Variants in RBFOX3 observed in about 807,000 individuals in gnomAD.
RBFOX3 encodes the protein RNA binding protein fox-1 homolog 3.
RBFOX3 carries 17 observed loss-of-function variants against 48.7 expected under a neutral mutation model. The observed-to-expected ratio is 0.35, with a 90% CI of 0.24 to 0.52. RBFOX3 has a LOEUF of 0.52. RBFOX3 is among the 20% of genes least tolerant of loss of function. RBFOX3 has a pLI of 0.94. For synonymous variants in RBFOX3, 212 were observed against 209.5 expected, an observed-to-expected ratio of 1.01 and a Z score of -0.10; for missense variants, 382 against 497.5, an observed-to-expected ratio of 0.77 and a Z score of 2.21.
At position 79,444,299 on chromosome 17, in the gene RBFOX3, A is replaced by G. The variant is rs575505534; in HGVS notation, c.-175+38155T>C. ...CCCTTGTGGGTTGGGGGCCAGCAAG[A>G]CCCACCCCTCTTATGGCCTGTGCGT... is the stretch of plus-strand genomic sequence containing the variant. On this transcript the variant is annotated intron_variant, in intron 2 of 14. Coordinates refer to ENST00000693108, the MANE Select transcript of RBFOX3 (RefSeq NM_001350451.2). 8.0e-4 allele frequency among the ~76,000 whole-genome samples: 121 copies of G among 152,000 alleles called. 1 individual carries two copies. The highest frequency in any genetic ancestry group is 2.6e-3 in the African/African-American group (107 of 41,444).
chr17:79,090,993 G>A (rs780075548), intron 14 of RBFOX3, 108 bp from the exon 15 acceptor site: 373 of 1,104,808 alleles, frequency 3.4e-4, no homozygotes, highest in Non-Finnish European at 4.2e-4. Flanking sequence ...AAGTCCTGGC[G>A]CCGCCACACC....
intron 2 of RBFOX3, among the ~76,000 whole-genome samples, chr17:79,397,874 C>T (rs760272592): frequency 2.6e-5 from 4 of 152,192 alleles, no homozygotes; most frequent in Non-Finnish European, 5.9e-5. Context: ...GCTACAACCA[C>T]AAACAGAGGC....
At chr17:79,591,853 C>T (rs1024142417) in intron 1 of RBFOX3, among the ~76,000 whole-genome samples, 1 of 139,896 alleles carries the variant, frequency 7.1e-6, no homozygotes, top group Non-Finnish European at 1.6e-5. Flanking sequence ...GGGGTGTGCA[C>T]GTGTGGAGGG....
chr17:79,256,382 G>C lies in RBFOX3; in HGVS notation c.-73-20577C>G, dbSNP rs192630001. ...GCAAGTTTGCTTGTGCCGGCCACCG[G>C]CTCCGGGAGCTGAAGCCCAGAGTGA... On this transcript the variant is annotated intron_variant, in intron 3 of 14. Transcript: ENST00000693108. Among the ~76,000 whole-genome samples the C allele has an allele frequency of 4.6e-5, 7 of 152,322 alleles. No individual in the cohort carries two copies. In the East Asian group the frequency reaches 1.4e-3, roughly 29 times the overall value.
intron 1 of RBFOX3, among the ~76,000 whole-genome samples, chr17:79,485,110 TGCCCAGG>T (rs1291492369): frequency 6.6e-6 from 1 of 151,906 alleles, no homozygotes; most frequent in African/African-American, 2.4e-5. Context: ...AAGCAGAGGC[TGCCCAGG>T]GCCTGGGCGA....
At chr17:79,417,910 C>T (rs560221954) in intron 2 of RBFOX3, among the ~76,000 whole-genome samples, 2 of 152,348 alleles carry the variant, frequency 1.3e-5, no homozygotes, top group Admixed American at 6.5e-5. Context: ...AATTCTGACA[C>T]ACACAACATG....
At chr17:79,633,173 C>T in the RBFOX3 span, among the ~76,000 whole-genome samples, 1 of 152,238 alleles carries the variant, frequency 6.6e-6, no homozygotes, top group East Asian at 1.9e-4. Context: ...GGCTCGGTTT[C>T]CCCAGATACC....
At chr17:79,358,311 G>C (rs930669828) in intron 2 of RBFOX3, among the ~76,000 whole-genome samples, 13 of 152,102 alleles carry the variant, frequency 8.5e-5, no homozygotes, top group Non-Finnish European at 1.8e-4. Context: ...TAGTGAGCTA[G>C]AGCCGTCTTC....
intron 4 of RBFOX3, among the ~76,000 whole-genome samples, chr17:79,179,635 G>C (rs1475890126): frequency 6.6e-6 from 1 of 152,110 alleles, no homozygotes; most frequent in Non-Finnish European, 1.5e-5. Flanking sequence ...TCTTTTATAG[G>C]AGACTGCAGT....
At chr17:79,091,976 T>C in intron 14 of RBFOX3, 1 of 985,480 alleles carries the variant, frequency 1.0e-6, no homozygotes, top group Non-Finnish European at 1.2e-6. Flanking sequence ...TGAAAAATAT[T>C]AGTTTCAGCT....
chr17:79,215,773 C>T (rs931278808), intron 4 of RBFOX3, among the ~76,000 whole-genome samples: 1 of 152,286 alleles, frequency 6.6e-6, no homozygotes, highest in Admixed American at 6.5e-5. Context: ...GGGCACCGCC[C>T]TCTCTCAGCC....
At position 79,574,179 on chromosome 17, in the gene RBFOX3, A is replaced by G. The variant is rs910567407; in HGVS notation, c.-320+36647T>C. 4.6e-5 allele frequency among the ~76,000 whole-genome samples: 7 copies of G among 152,162 alleles called. No individual in the cohort carries two copies. The East Asian group carries it at 1.4e-3, about 29-fold the overall frequency. On this transcript the variant is annotated intron_variant, in intron 1 of 14. Transcript: ENST00000693108. ...TTAGGATTAAGGGTCCCCTTGTCAA[A>G]GGGAGGAGGGAATATGTCAGCGGCG...
intron 4 of RBFOX3, among the ~76,000 whole-genome samples, chr17:79,160,339 C>T (rs572319846): frequency 1.2e-4 from 18 of 152,336 alleles, no homozygotes; most frequent in African/African-American, 3.1e-4. Context: ...AGCGTGTGAG[C>T]GTGCAGCAGA....
chr17:79,412,046 T>C (rs11077440), intron 2 of RBFOX3, among the ~76,000 whole-genome samples: 71,693 of 150,996 alleles, frequency 0.47, 17,381 homozygotes, highest in African/African-American at 0.58. Context: ...GTGGTGTATG[T>C]GAGTGTGTGG....
intron 2 of RBFOX3, among the ~76,000 whole-genome samples, chr17:79,403,818 C>T (rs2063158218): frequency 7.1e-6 from 1 of 141,694 alleles, no homozygotes; most frequent in Non-Finnish European, 1.5e-5. Context: ...GAGTCTTGCT[C>T]TGTCACCCAG....
At chr17:79,239,088 A>T (rs2061999711) in intron 3 of RBFOX3, among the ~76,000 whole-genome samples, 1 of 152,124 alleles carries the variant, frequency 6.6e-6, no homozygotes, top group Non-Finnish European at 1.5e-5. Context: ...TTTGGGAGCA[A>T]CCAACTCCAG....
intron 2 of RBFOX3, among the ~76,000 whole-genome samples, chr17:79,400,251 G>A (rs954915752): frequency 2.8e-4 from 43 of 152,132 alleles, no homozygotes; most frequent in Non-Finnish European, 1.3e-4. Context: ...CAAGGGGTCA[G>A]CAGGGCCAAG....
chr17:79,486,251 G>A (rs1216138766), intron 1 of RBFOX3, among the ~76,000 whole-genome samples: 2 of 152,276 alleles, frequency 1.3e-5, no homozygotes, highest in Non-Finnish European at 2.9e-5. Context: ...CAGGGTGGGC[G>A]GGGCCTGGTC....
At chr17:79,189,629 A>C (rs2054077265) in intron 4 of RBFOX3, among the ~76,000 whole-genome samples, 1 of 152,150 alleles carries the variant, frequency 6.6e-6, no homozygotes, top group African/African-American at 2.4e-5. Flanking sequence ...CGCCAAGGAG[A>C]GGAGCTGCTG....
Sources: gnomAD v4.1 joint callset for allele counts (sites outside exome capture counted in the v4.1 genomes callset) on GRCh38, gnomAD v4.1.1 for gene constraint, MANE v1.5 for transcripts, NCBI Gene and HGNC (gene_info 2026-07-23, HGNC 2026-07-21) for gene names.